Variants in EVA1A observed in about 807,000 individuals in gnomAD.
EVA1A encodes the protein eva-1 homolog A, regulator of programmed cell death.
In EVA1A, 7 loss-of-function variants were observed where a neutral mutation model predicts 9.8. That is an observed-to-expected ratio of 0.71 (90% confidence interval 0.41 to 1.34). The LOEUF (loss-of-function observed/expected upper bound fraction) is 1.34. Ranked by LOEUF, EVA1A falls within the 40% of genes most tolerant of loss-of-function variation. The pLI is 0.01. For synonymous variants in EVA1A, 90 were observed against 85.6 expected (o/e 1.05, Z -0.28); for missense variants, 206 against 205.9 (o/e 1.00, Z 0.00).
At chr2:75,514,107 C>G (rs1367120201) in intron 3 of EVA1A, among the ~76,000 whole-genome samples, 1 of 152,142 alleles carries the variant, frequency 6.6e-6, no homozygotes, top group East Asian at 1.9e-4. Flanking sequence ...AAGACCACAG[C>G]AAATACCATT....
intron 3 of EVA1A, among the ~76,000 whole-genome samples, chr2:75,501,532 C>T (rs895245568): frequency 6.6e-6 from 1 of 152,154 alleles, no homozygotes; most frequent in Non-Finnish European, 1.5e-5. Flanking sequence ...TGAGTTTGTA[C>T]TGCTTAGTAT....
At chr2:75,558,354 A>G (rs1159824258) in intron 1 of EVA1A, 2 of 152,232 alleles carry the variant, frequency 1.3e-5, no homozygotes, top group Non-Finnish European at 2.9e-5. Context: ...TAACAGAGTT[A>G]ATAAGCGGCA....
At chr2:75,546,851 G>C (rs1676346327) in intron 1 of EVA1A, among the ~76,000 whole-genome samples, 1 of 137,582 alleles carries the variant, frequency 7.3e-6, no homozygotes, top group Non-Finnish European at 1.5e-5. Context: ...TTTGGACACA[G>C]ACACACACAC....
At chr2:75,506,840 C>T (rs1294985970) in intron 3 of EVA1A, among the ~76,000 whole-genome samples, 1 of 152,182 alleles carries the variant, frequency 6.6e-6, no homozygotes, top group Non-Finnish European at 1.5e-5. Context: ...AAAAGTAGAA[C>T]CTGGGACTGA....
chr2:75,527,038 A>G (rs1161928596), intron 1 of EVA1A, among the ~76,000 whole-genome samples: 2 of 152,208 alleles, frequency 1.3e-5, no homozygotes, highest in African/African-American at 4.8e-5. Context: ...ACTGGTGCAG[A>G]CAAACAGACT....
At chr2:75,564,517 C>G (rs77244715), upstream of EVA1A, among the ~76,000 whole-genome samples, 2,089 of 152,332 alleles carry the variant, frequency 0.014, 47 homozygotes, top group African/African-American at 0.047. Context: ...TCCGCCCACA[C>G]TGATGTTGTG....
At chr2:75,494,140 C>T (rs1299179247) in intron 3 of EVA1A, among the ~76,000 whole-genome samples, 6 of 151,918 alleles carry the variant, frequency 3.9e-5, no homozygotes, top group Admixed American at 3.9e-4. Flanking sequence ...TACAGTTGAC[C>T]CTTGGACAAC....
intron 1 of EVA1A, among the ~76,000 whole-genome samples, chr2:75,557,770 C>G (rs1676766270): frequency 6.6e-6 from 1 of 152,214 alleles, no homozygotes; most frequent in Non-Finnish European, 1.5e-5. Flanking sequence ...GAACTAACCC[C>G]AATGTCCTGC....
chr2:75,535,323 G>A (rs1052906610), intron 1 of EVA1A, among the ~76,000 whole-genome samples: 2 of 129,114 alleles, frequency 1.5e-5, no homozygotes. Context: ...GGGAACTCTT[G>A]TTTATACACT....
chr2:75,500,907 G>A (rs1051793684), intron 3 of EVA1A, among the ~76,000 whole-genome samples: 10 of 151,452 alleles, frequency 6.6e-5, no homozygotes, highest in East Asian at 1.9e-4. Flanking sequence ...CCATTTCCCC[G>A]CACCTGCAGC....
rs1572978949 is a variant in EVA1A at position 75,537,948 on chromosome 2, C to T, written c.-191-15461G>A. Among the ~76,000 whole-genome samples, 3 of 152,246 alleles carry T rather than the reference C, an allele frequency of 2.0e-5. No homozygotes were observed. The South Asian group carries it at 6.2e-4, about 32-fold the overall frequency. On this transcript the variant is annotated intron_variant, in intron 1 of 3. Transcript: ENST00000393913. The stretch of plus-strand genomic sequence containing the variant: ...AATAAACATCTTTTCTTTATATTAC[C>T]CAGCCTCAGATGTTCCTTCTGCAAA...
intron 3 of EVA1A, among the ~76,000 whole-genome samples, chr2:75,494,831 A>G (rs75744012): frequency 0.055 from 8,432 of 152,308 alleles, 282 homozygotes; most frequent in Middle Eastern, 0.11. Context: ...CAGTATAGGT[A>G]TTTAGGAGTG....
chr2:75,505,166 C>T (rs1674571109), intron 3 of EVA1A, among the ~76,000 whole-genome samples: 1 of 152,206 alleles, frequency 6.6e-6, no homozygotes, highest in Non-Finnish European at 1.5e-5. Context: ...TCCAGCATTA[C>T]CACTGCTGAA....
Position 75,493,239 on chromosome 2 carries a change from ATAG to A in EVA1A, c.453_455del (p.Tyr152del). On this transcript the variant is annotated inframe_deletion, in exon 4 of 4. Coordinates refer to ENST00000393913, the MANE Select transcript of EVA1A (RefSeq NM_001135032.2). ...GTTTCCGGGGTCCTGCTGCTCCCTA[ATAG>A]TAGCGATTCAGGCTCCTGGTCCCGG... The A allele has an allele frequency of 6.2e-7, 1 of 1,610,480 alleles. No homozygotes were observed. Among genetic ancestry groups the A allele is most frequent in the Non-Finnish European group, 8.5e-7 (1 of 1,178,188 alleles).
At chr2:75,548,998 ATATATATATATT>A (rs2103962642) in intron 1 of EVA1A, among the ~76,000 whole-genome samples, 1 of 92,918 alleles carries the variant, frequency 1.1e-5, no homozygotes, top group African/African-American at 5.3e-5. Flanking sequence ...ATATATATAT[ATATATATATATT>A]TTTTTTTTTT....
intron 3 of EVA1A, among the ~76,000 whole-genome samples, chr2:75,517,185 CATA>C (rs373699017): frequency 2.0e-5 from 3 of 152,116 alleles, no homozygotes; most frequent in East Asian, 1.9e-4. Context: ...CACTGTAAAT[CATA>C]ATGTCAGGTT....
chr2:75,526,729 C>CAA (rs1239319001), intron 1 of EVA1A, among the ~76,000 whole-genome samples: 34 of 152,342 alleles, frequency 2.2e-4, no homozygotes, highest in African/African-American at 7.5e-4. Flanking sequence ...AGAAATTGAA[C>CAA]AGAAGTCAAA....
chr2:75,509,391 T>C (rs1674731995), intron 3 of EVA1A, among the ~76,000 whole-genome samples: 1 of 152,200 alleles, frequency 6.6e-6, no homozygotes, highest in African/African-American at 2.4e-5. Context: ...TTCAAATATT[T>C]GCTGTTAACC....
At chr2:75,517,995 G>C in intron 3 of EVA1A, 61 bp downstream of exon 3, 1 of 1,600,778 alleles carries the variant, frequency 6.2e-7, no homozygotes, top group Non-Finnish European at 8.5e-7. Flanking sequence ...GGCCACCCAG[G>C]AGACAACCTT....
Sources: allele counts gnomAD v4.1 joint callset (sites outside exome capture counted in the v4.1 genomes callset), GRCh38; gene constraint gnomAD v4.1.1; transcripts MANE v1.5; gene names NCBI Gene and HGNC (gene_info 2026-07-23, HGNC 2026-07-21).